SLC25A37: variants seen among roughly 807,000 people sequenced by gnomAD.
SLC25A37 encodes the protein solute carrier family 25 member 37.
SLC25A37 carries 17 observed loss-of-function variants against 31.0 expected under a neutral mutation model. The observed-to-expected ratio is 0.55, with a 90% CI of 0.38 to 0.82. The LOEUF is 0.82. SLC25A37 is among the 40% of genes least tolerant of loss of function. SLC25A37 has a pLI of 0.00. For synonymous variants in SLC25A37, 222 were observed against 193.0 expected, an observed-to-expected ratio of 1.15 and a Z score of -1.24; for missense variants, 404 against 465.8, an observed-to-expected ratio of 0.87 and a Z score of 1.22.
chr8:23,569,631 T>C (rs993559685), intron 3 of SLC25A37, among the ~76,000 whole-genome samples: 5 of 152,232 alleles, frequency 3.3e-5, no homozygotes, highest in African/African-American at 1.2e-4. Context: ...GAAATTCACA[T>C]TGGGTCATTT....
intron 3 of SLC25A37, among the ~76,000 whole-genome samples, chr8:23,569,596 G>A (rs1224538421): frequency 3.9e-5 from 6 of 152,214 alleles, no homozygotes; most frequent in African/African-American, 4.8e-5. Context: ...ACGATGTACC[G>A]CAGTGTGTCC....
rs774936376 is a variant in SLC25A37, at chr8:23,571,362, A to G, written c.524A>G (p.Asn175Ser). Residue 175 changes from asparagine to serine, a missense_variant, in exon 4 of 4, where the codon AAC (asparagine) becomes AGC (serine). Physicochemically the swap from Asn to Ser is conservative, Grantham distance 46 (BLOSUM62 1). Transcript: ENST00000519973. ...GTGAAGCAGCGCTTGCAGATGTACAACTCGCAGCACCGGTCAGCAATCAGC... is the reference window on the plus strand; with the variant it reads ...GTGAAGCAGCGCTTGCAGATGTACAGCTCGCAGCACCGGTCAGCAATCAGC... Reference protein sequence around the residue: ...EVVKQRLQMYNSQHRSAISCI... With the variant: ...EVVKQRLQMYSSQHRSAISCI... 4 of 1,602,548 alleles carry G rather than the reference A, an allele frequency of 2.5e-6. No individual in the cohort carries two copies. The highest frequency in any genetic ancestry group is 1.7e-5 in the Admixed American group (1 of 59,016).
intron 1 of SLC25A37, among the ~76,000 whole-genome samples, chr8:23,544,285 C>T (rs537540838): frequency 2.6e-4 from 39 of 152,322 alleles, no homozygotes; most frequent in African/African-American, 7.5e-4. Flanking sequence ...CACACTATAG[C>T]GTACAGCCTA....
At chr8:23,552,028 C>T (rs1005044951) in intron 1 of SLC25A37, among the ~76,000 whole-genome samples, 1 of 152,146 alleles carries the variant, frequency 6.6e-6, no homozygotes, top group Non-Finnish European at 1.5e-5. Context: ...TTCTGTAGTC[C>T]GATGGGAGGG....
chr8:23,573,640 A>G lies in SLC25A37; in HGVS notation c.*1785A>G. 1 of 377,484 alleles carries G rather than the reference A, an allele frequency of 2.6e-6. No individual in the cohort carries two copies. Among genetic ancestry groups the G allele is most frequent in the Non-Finnish European group, 5.5e-6 (1 of 182,580 alleles). The allele number at this position is 377,484 out of a possible 1,614,324, so 23.4% of individuals were successfully genotyped here. On this transcript the variant is annotated 3_prime_UTR_variant, in exon 4 of 4. Transcript: ENST00000519973. ...ATGCACACAGTGCCTTGGGGAGTAG[A>G]TTTTGCCCTAATAGCGATGAAGAAT...
intron 1 of SLC25A37, among the ~76,000 whole-genome samples, chr8:23,542,376 A>AAT (rs1801917022): frequency 1.0e-5 from 1 of 97,106 alleles, no homozygotes; most frequent in Admixed American, 1.1e-4. Context: ...GTGTACTCCT[A>AAT]CTTTTTTTTT....
chr8:23,573,824 C>G lies in SLC25A37; in HGVS notation c.*1969C>G, dbSNP rs775573076. 2.2e-6 allele frequency: 1 copy of G among 456,566 alleles called. No homozygotes were observed. 28.3% of individuals were successfully genotyped at this position (456,566 alleles called of 1,614,324 possible). A position where few individuals can be genotyped will look rare whatever the true frequency, so the allele number is the denominator to read the frequency against. The stretch of plus-strand genomic sequence containing the variant: ...CAGTTAACGCCTTCTCCCTGCTCTG[C>G]CCCCCACTCCCCAAAACCAGTTGCA... On this transcript the variant is annotated 3_prime_UTR_variant, in exon 4 of 4. Coordinates refer to ENST00000519973, the MANE Select transcript of SLC25A37 (RefSeq NM_016612.4).
At chr8:23,546,545 ATATATATAGTG>A (rs1262123382) in intron 1 of SLC25A37, among the ~76,000 whole-genome samples, 476 of 17,678 alleles carry the variant, frequency 0.027, 19 homozygotes, top group African/African-American at 0.16. Context: ...ATATATATAT[ATATATATAGTG>A]TATATATATA....
rs532819727 is a variant in SLC25A37 at position 23,550,999 on chromosome 8, G to A, written c.211-15109G>A. ...GCGAGCCAGCTCTCAGCAGCAGGGA[G>A]GGCCTTTTCCATAGTATGAACTTGG... On this transcript the variant is annotated intron_variant, in intron 1 of 3. Transcript: ENST00000519973. Among the ~76,000 whole-genome samples, 3 of 152,312 alleles carry A rather than the reference G, an allele frequency of 2.0e-5. No individual in the cohort carries two copies. The South Asian group carries it at 6.2e-4, about 32-fold the overall frequency.
intron 1 of SLC25A37, among the ~76,000 whole-genome samples, chr8:23,560,306 A>G (rs1018051614): frequency 6.6e-6 from 1 of 152,090 alleles, no homozygotes; most frequent in Admixed American, 6.5e-5. Context: ...GACTAAATTG[A>G]TTATTGTCTC....
chr8:23,554,632 A>G (rs577432805), intron 1 of SLC25A37, among the ~76,000 whole-genome samples: 1 of 152,262 alleles, frequency 6.6e-6, no homozygotes, highest in South Asian at 2.1e-4. Flanking sequence ...GCTTTTCTAG[A>G]GAAGGGGTGG....
In SLC25A37 at chr8:23,549,698, C is replaced by T. The variant is rs189220392; in HGVS notation, c.211-16410C>T. Among the ~76,000 whole-genome samples the T allele has an allele frequency of 1.3e-4, 19 of 144,740 alleles. 1 individual carries two copies. The highest frequency in any genetic ancestry group is 1.0e-3 in the Admixed American group (13 of 12,970). 95.0% of individuals were successfully genotyped at this position (144,740 alleles called of 152,430 possible). On this transcript the variant is annotated intron_variant, in intron 1 of 3. Transcript: ENST00000519973. ...GGCTTAGAGCTGTGACTTGGCACCA[C>T]GTGGTTAGTCACTATCAAGTTAGAA...
intron 2 of SLC25A37, 101 bp downstream of exon 2, chr8:23,566,437 C>T (rs1033245202): frequency 1.1e-5 from 16 of 1,494,094 alleles, no homozygotes; most frequent in Middle Eastern, 1.7e-4. Flanking sequence ...GACTTCGGCC[C>T]GCTTGCTCAC....
intron 1 of SLC25A37, among the ~76,000 whole-genome samples, chr8:23,558,549 G>T (rs573089641): frequency 3.3e-5 from 5 of 152,226 alleles, no homozygotes; most frequent in African/African-American, 1.2e-4. Flanking sequence ...GTGAGAGAAC[G>T]GGCCAGTGAG....
chr8:23,570,586 TTTTG>T (rs983341053), intron 3 of SLC25A37, among the ~76,000 whole-genome samples: 1 of 152,036 alleles, frequency 6.6e-6, no homozygotes, highest in African/African-American at 2.4e-5. Flanking sequence ...CAAGCAAGGG[TTTTG>T]TTTATCTTTT....
At chr8:23,551,139 A>G (rs1478629749) in intron 1 of SLC25A37, among the ~76,000 whole-genome samples, 1 of 152,258 alleles carries the variant, frequency 6.6e-6, no homozygotes, top group African/African-American at 2.4e-5. Context: ...GGCTCTGAGC[A>G]GGTGAGTGAA....
chr8:23,545,725 G>A (rs925805233), intron 1 of SLC25A37, among the ~76,000 whole-genome samples: 1 of 152,188 alleles, frequency 6.6e-6, no homozygotes, highest in Non-Finnish European at 1.5e-5. Flanking sequence ...GTAGATGAGT[G>A]TTCTGGCTCA....
At chr8:23,563,401 G>T (rs1802566532) in intron 1 of SLC25A37, among the ~76,000 whole-genome samples, 1 of 152,058 alleles carries the variant, frequency 6.6e-6, no homozygotes, top group African/African-American at 2.4e-5. Flanking sequence ...TGCCCAGGTT[G>T]GTCTCAAACT....
chr8:23,571,640 G>A lies in SLC25A37; in HGVS notation c.802G>A (p.Val268Met). The change falls in exon 4 of 4, where the codon GTG becomes ATG. Residue 268 changes from valine to methionine, a missense_variant. Val to Met is a conservative substitution (Grantham distance 21). Around this residue, in one of 3 missense-constraint regions of SLC25A37, gnomAD observed 243 missense variants for 284.4 expected, o/e 0.85. Coordinates refer to ENST00000519973, the MANE Select transcript of SLC25A37 (RefSeq NM_016612.4). ...GACCCTTCTGAACACTCAGGAGAAC[G>A]TGGCCCTCTCGCTGGCCAACATCAG... ...CKTLLNTQEN[V>M]ALSLANISGR... 1.9e-6 allele frequency: 3 copies of A among 1,613,938 alleles called. No individual in the cohort carries two copies. Among genetic ancestry groups the A allele is most frequent in the Non-Finnish European group, 2.5e-6 (3 of 1,179,882 alleles).
Sources: allele counts gnomAD v4.1 joint callset (sites outside exome capture counted in the v4.1 genomes callset), GRCh38; gene constraint gnomAD v4.1.1; regional missense constraint gnomAD v4.1.1; transcripts MANE v1.5; gene names NCBI Gene and HGNC (gene_info 2026-07-23, HGNC 2026-07-21).